Variants in KAZN observed in about 807,000 individuals in gnomAD.
KAZN encodes the protein kazrin, periplakin interacting protein, also known as kazrin.
Under a neutral mutation model 87.4 loss-of-function variants are expected in KAZN, and 40 were observed. The ratio of observed to expected loss-of-function variants is 0.46; its 90% CI spans 0.36 to 0.60. The LOEUF (loss-of-function observed/expected upper bound fraction) is 0.60, where lower values mean the gene tolerates loss of function less well. Ranked by LOEUF, KAZN falls within the 20% of genes least tolerant of loss-of-function variation. The probability of loss-of-function intolerance (pLI) is 0.00; values close to 1 mark genes in which losing one functional copy is unlikely to be tolerated. For synonymous variants in KAZN, 466 were observed against 458.3 expected (o/e 1.02, Z -0.22); for missense variants, 898 against 1,073.9 (o/e 0.84, Z 2.29).
At chr1:14,756,872 G>A (rs986941076) in intron 1 of KAZN, among the ~76,000 whole-genome samples, 5 of 152,198 alleles carry the variant, frequency 3.3e-5, no homozygotes, top group African/African-American at 1.2e-4. Flanking sequence ...AGAAAAAAAA[G>A]CAACAGAACA....
At chr1:14,396,083 G>A (rs1033672603) in intron 2 of KAZN, among the ~76,000 whole-genome samples, 11 of 148,756 alleles carry the variant, frequency 7.4e-5, no homozygotes, top group Admixed American at 3.4e-4. Context: ...CAAGAGAATC[G>A]CTTGAACCCG....
At chr1:13,980,450 G>A (rs1638605481) in intron 1 of KAZN, among the ~76,000 whole-genome samples, 2 of 151,828 alleles carry the variant, frequency 1.3e-5, no homozygotes, top group African/African-American at 2.4e-5. Flanking sequence ...GATATACCAC[G>A]AAAATACTAA....
chr1:14,434,772 G>A (rs999925454), intron 2 of KAZN, among the ~76,000 whole-genome samples: 36 of 151,878 alleles, frequency 2.4e-4, no homozygotes, highest in African/African-American at 7.5e-4. Flanking sequence ...TGCCTCCAAC[G>A]CACCTCCTCT....
chr1:14,633,899 T>C (rs1174454955), intron 1 of KAZN, among the ~76,000 whole-genome samples: 1 of 152,104 alleles, frequency 6.6e-6, no homozygotes, highest in East Asian at 1.9e-4. Context: ...TATATATATT[T>C]ATTTAAAGGC....
At chr1:14,040,764 C>CA (rs1430762858) in intron 1 of KAZN, among the ~76,000 whole-genome samples, 4 of 117,804 alleles carry the variant, frequency 3.4e-5, no homozygotes, top group Non-Finnish European at 8.4e-5. Context: ...GACTTCATCT[C>CA]AAAAAAATTA....
At chr1:14,351,445 G>C (rs1264875176) in intron 2 of KAZN, among the ~76,000 whole-genome samples, 1 of 152,152 alleles carries the variant, frequency 6.6e-6, no homozygotes, top group Admixed American at 6.5e-5. Flanking sequence ...GCACATGCCT[G>C]CTCCTCTGGA....
At chr1:14,324,283 T>C (rs1656248720) in intron 2 of KAZN, among the ~76,000 whole-genome samples, 1 of 152,238 alleles carries the variant, frequency 6.6e-6, no homozygotes, top group Non-Finnish European at 1.5e-5. Context: ...TGGCAGCACC[T>C]AAATGAGGTC....
chr1:14,467,715 CAGTTGAATCCAGG>C (rs1668243580), intron 2 of KAZN, among the ~76,000 whole-genome samples: 1 of 150,326 alleles, frequency 6.7e-6, no homozygotes, highest in Non-Finnish European at 1.5e-5. Flanking sequence ...ACATCGCCCT[CAGTTGAATCCAGG>C]AGTTCAAATG....
At chr1:14,918,040 G>T (rs556491984) in intron 1 of KAZN, among the ~76,000 whole-genome samples, 1 of 151,966 alleles carries the variant, frequency 6.6e-6, no homozygotes, top group African/African-American at 2.4e-5. Flanking sequence ...CACCACGCCC[G>T]GCTAATTTTT....
chr1:14,651,735 T>C (rs965896337), intron 1 of KAZN, among the ~76,000 whole-genome samples: 1 of 152,244 alleles, frequency 6.6e-6, no homozygotes, highest in Non-Finnish European at 1.5e-5. Context: ...AGATGAACCG[T>C]GTGAGCTCTA....
chr1:15,077,190 G>A lies in KAZN; in HGVS notation c.1222+11437G>A, dbSNP rs1409058898. ...TTTTTTAATTTAGTGTCCATTGGGG[G>A]AAAATTTCCAAGGCCCTAATTTGTC... On this transcript the variant is annotated intron_variant, in intron 8 of 14. Transcript: ENST00000376030. The surrounding 1 kb of genome is among the most constrained non-coding windows in gnomAD (Gnocchi z 4.8). Among the ~76,000 whole-genome samples the A allele has an allele frequency of 6.6e-6, 1 of 152,042 alleles. No homozygotes were observed. Among genetic ancestry groups the A allele is most frequent in the Admixed American group, 6.5e-5 (1 of 15,276 alleles).
chr1:14,567,811 A>G (rs576441654), intron 2 of KAZN, among the ~76,000 whole-genome samples: 23 of 152,260 alleles, frequency 1.5e-4, no homozygotes, highest in Non-Finnish European at 2.8e-4. Context: ...CTCATTCAGC[A>G]GCTAAAAGAC....
chr1:14,854,239 G>T (rs951871417), intron 1 of KAZN, among the ~76,000 whole-genome samples: 1 of 152,194 alleles, frequency 6.6e-6, no homozygotes, highest in Non-Finnish European at 1.5e-5. Flanking sequence ...CTTGCATGTT[G>T]ACTGGTGAGT....
At chr1:14,515,499 C>T (rs992892642) in intron 2 of KAZN, among the ~76,000 whole-genome samples, 12 of 152,216 alleles carry the variant, frequency 7.9e-5, no homozygotes, top group African/African-American at 2.9e-4. Flanking sequence ...TTGGGAAACC[C>T]GGAAGCAGCA....
chr1:14,960,577 A>T, intron 1 of KAZN, 107 bp from the exon 2 acceptor site: 1 of 1,178,100 alleles, frequency 8.5e-7, no homozygotes, highest in Non-Finnish European at 1.2e-6. Flanking sequence ...AAAGGCCCTG[A>T]ATGCAGAGCA....
At chr1:14,563,655 T>C (rs528745758) in intron 2 of KAZN, among the ~76,000 whole-genome samples, 6 of 152,094 alleles carry the variant, frequency 3.9e-5, no homozygotes, top group African/African-American at 9.6e-5. Context: ...TTCCTTACCC[T>C]CAACTCTCAT....
rs554988679 is a variant in KAZN, at chr1:14,713,474, T to TG, written c.226+114257dup. 3.5e-3 allele frequency among the ~76,000 whole-genome samples: 535 copies of TG among 152,252 alleles called. 7 individuals are homozygous for TG. The highest frequency in any genetic ancestry group is 0.012 in the African/African-American group (503 of 41,546). ...TTTACTTTAACTCAATGGCTCCCAG[T>TG]GGGGGGTGATTTTGTCCCCCAGGAG... On this transcript the variant is annotated intron_variant, in intron 1 of 14. Transcript: ENST00000376030.
chr1:14,510,952 T>G (rs1395734896), intron 2 of KAZN, among the ~76,000 whole-genome samples: 1 of 152,172 alleles, frequency 6.6e-6, no homozygotes, highest in South Asian at 2.1e-4. Flanking sequence ...GATGTCAAAG[T>G]TGTCTTAACT....
At chr1:14,601,626 G>T (rs1300029893) in intron 1 of KAZN, among the ~76,000 whole-genome samples, 2 of 152,150 alleles carry the variant, frequency 1.3e-5, no homozygotes, top group African/African-American at 2.4e-5. Context: ...GCAATTGATT[G>T]GGTTCCACTT....
Sources: allele counts gnomAD v4.1 joint callset (sites outside exome capture counted in the v4.1 genomes callset), GRCh38; gene constraint gnomAD v4.1.1; non-coding constraint Gnocchi (gnomAD v3.1); transcripts MANE v1.5; gene names NCBI Gene and HGNC (gene_info 2026-07-23, HGNC 2026-07-21).